Variants in ERC2 observed in about 807,000 individuals in gnomAD.
The protein encoded by ERC2 is ERC protein 2.
In ERC2, 42 loss-of-function variants were observed where a neutral mutation model predicts 114.8. That is an observed-to-expected ratio of 0.37 (90% CI 0.29 to 0.47). The LOEUF is 0.47. ERC2 is among the 20% of genes least tolerant of loss of function. The probability of loss-of-function intolerance (pLI) is 0.99; values close to 1 mark genes in which losing one functional copy is unlikely to be tolerated. For synonymous variants in ERC2, 454 were observed against 425.5 expected, an observed-to-expected ratio of 1.07 and a Z score of -0.82; for missense variants, 939 against 1,150.7, an observed-to-expected ratio of 0.82 and a Z score of 2.66.
At chr3:56,027,265 C>T (rs1424833240) in intron 7 of ERC2, among the ~76,000 whole-genome samples, 1 of 152,212 alleles carries the variant, frequency 6.6e-6, no homozygotes, top group African/African-American at 2.4e-5. Flanking sequence ...AAATAAACGA[C>T]TATGAACATT....
intron 3 of ERC2, among the ~76,000 whole-genome samples, chr3:56,204,062 C>CA (rs1246073945): frequency 1.3e-5 from 2 of 152,170 alleles, no homozygotes; most frequent in African/African-American, 4.8e-5. Flanking sequence ...TGGTGGCAGT[C>CA]ACCTGTAATC....
At chr3:55,763,770 C>T (rs1255819528) in intron 14 of ERC2, among the ~76,000 whole-genome samples, 2 of 152,164 alleles carry the variant, frequency 1.3e-5, no homozygotes, top group Non-Finnish European at 2.9e-5. Flanking sequence ...CATATTTTCT[C>T]ACCTTTTATT....
chr3:55,512,686 G>A (rs2052175101), intron 17 of ERC2, among the ~76,000 whole-genome samples: 1 of 152,210 alleles, frequency 6.6e-6, no homozygotes, highest in African/African-American at 2.4e-5. Flanking sequence ...AAGTAGCAAA[G>A]AACAGTCATT....
chr3:55,857,008 A>T (rs1280390173), intron 14 of ERC2, among the ~76,000 whole-genome samples: 1 of 151,504 alleles, frequency 6.6e-6, no homozygotes, highest in African/African-American at 2.4e-5. Flanking sequence ...CCAGAGACTA[A>T]GGAAAAGGGG....
intron 2 of ERC2, among the ~76,000 whole-genome samples, chr3:56,341,522 C>G (rs2058089330): frequency 2.0e-5 from 3 of 152,066 alleles, no homozygotes; most frequent in Admixed American, 6.5e-5. Flanking sequence ...ATTTGCAACA[C>G]CCACCACAGA....
intron 13 of ERC2, among the ~76,000 whole-genome samples, chr3:55,895,883 C>T (rs376097560): frequency 6.6e-6 from 1 of 152,198 alleles, no homozygotes; most frequent in Non-Finnish European, 1.5e-5. Context: ...CTGTTTGCTT[C>T]AAGCACCTTC....
chr3:55,579,803 C>T (rs764136942), intron 17 of ERC2, among the ~76,000 whole-genome samples: 1 of 152,228 alleles, frequency 6.6e-6, no homozygotes, highest in Non-Finnish European at 1.5e-5. Context: ...ATGATTTAAC[C>T]TCCTTTGCGT....
At chr3:56,066,767 A>T (rs537804763) in intron 7 of ERC2, among the ~76,000 whole-genome samples, 1 of 152,240 alleles carries the variant, frequency 6.6e-6, no homozygotes, top group South Asian at 2.1e-4. Flanking sequence ...AGTTTTCTGC[A>T]TATGGCCTAT....
At chr3:56,399,480 A>C (rs2060440672) in intron 2 of ERC2, among the ~76,000 whole-genome samples, 1 of 152,176 alleles carries the variant, frequency 6.6e-6, no homozygotes, top group South Asian at 2.1e-4. Context: ...TACATCAATA[A>C]ATTATTTCAT....
chr3:56,405,687 A>T lies in ERC2; in HGVS notation c.657+28664T>A, dbSNP rs150655734. The stretch of plus-strand genomic sequence containing the variant: ...GATAGATAGATAGATGAAGAAATAG[A>T]TTAAATGTGTTTTAAATTTAAATGT... On this transcript the variant is annotated intron_variant, in intron 2 of 17. Transcript: ENST00000288221. Among the ~76,000 whole-genome samples the T allele has an allele frequency of 7.2e-3, 1,102 of 152,266 alleles. 22 individuals are homozygous for T. Among genetic ancestry groups the T allele is most frequent in the African/African-American group, 0.025 (1,055 of 41,544 alleles).
intron 4 of ERC2, among the ~76,000 whole-genome samples, chr3:56,169,736 A>T (rs1345777552): frequency 6.6e-6 from 1 of 152,030 alleles, no homozygotes; most frequent in Non-Finnish European, 1.5e-5. Flanking sequence ...TTCACTTAAA[A>T]TTTCTAGCTA....
chr3:55,774,592 T>C (rs2068461542), intron 14 of ERC2, among the ~76,000 whole-genome samples: 1 of 152,210 alleles, frequency 6.6e-6, no homozygotes, highest in South Asian at 2.1e-4. Context: ...AGGTTTGGCT[T>C]TGCAGAGCCA....
At chr3:56,281,436 C>CAAAAA (rs71099629) in intron 3 of ERC2, among the ~76,000 whole-genome samples, 37 of 47,454 alleles carry the variant, frequency 7.8e-4, no homozygotes, top group South Asian at 1.3e-3. Flanking sequence ...GACTCCGTCT[C>CAAAAA]AAAAAAAAAA....
chr3:56,224,499 G>A (rs2050126597), intron 3 of ERC2, among the ~76,000 whole-genome samples: 1 of 152,104 alleles, frequency 6.6e-6, no homozygotes. Context: ...GGTGAGGAGA[G>A]TACTTGTTTA....
At chr3:55,997,682 C>T (rs1224983432) in intron 10 of ERC2, among the ~76,000 whole-genome samples, 1 of 149,768 alleles carries the variant, frequency 6.7e-6, no homozygotes, top group Non-Finnish European at 1.5e-5. Context: ...TAAGACAAAA[C>T]TCCAGGAGTA....
chr3:55,541,451 G>A (rs2054389171), intron 17 of ERC2, among the ~76,000 whole-genome samples: 1 of 152,162 alleles, frequency 6.6e-6, no homozygotes. Flanking sequence ...CATGACAAGA[G>A]CCCTGGTGGT....
intron 3 of ERC2, among the ~76,000 whole-genome samples, chr3:56,186,145 G>T: frequency 1.4e-5 from 1 of 69,316 alleles, no homozygotes; most frequent in Admixed American, 1.4e-4. Flanking sequence ...AAAAAAAAAA[G>T]AGCACAGCCC....
chr3:56,333,329 GC>G (rs1178859758), intron 2 of ERC2, among the ~76,000 whole-genome samples: 2 of 152,212 alleles, frequency 1.3e-5, no homozygotes, highest in South Asian at 2.1e-4. Flanking sequence ...AGATTTAGGT[GC>G]CACAACATTC....
intron 14 of ERC2, among the ~76,000 whole-genome samples, chr3:55,851,198 C>T (rs1335576808): frequency 7.3e-6 from 1 of 137,320 alleles, no homozygotes; most frequent in Non-Finnish European, 1.6e-5. Context: ...TAAGCCCATG[C>T]TGGGAGTTGG....
Sources: gnomAD v4.1 joint callset for allele counts (sites outside exome capture counted in the v4.1 genomes callset) on GRCh38, gnomAD v4.1.1 for gene constraint, MANE v1.5 for transcripts, NCBI Gene and HGNC (gene_info 2026-07-23, HGNC 2026-07-21) for gene names.